Variants in DAPP1 observed in about 807,000 individuals in gnomAD.
The protein encoded by DAPP1 is dual adapter for phosphotyrosine and 3-phosphotyrosine and 3-phosphoinositide.
DAPP1 carries 20 observed loss-of-function variants against 41.5 expected under a neutral mutation model. That is an observed-to-expected ratio of 0.48 (90% CI 0.34 to 0.70). DAPP1 has a LOEUF of 0.70. DAPP1 is among the 30% of genes least tolerant of loss of function. The probability of loss-of-function intolerance (pLI) is 0.01; values close to 1 mark genes in which losing one functional copy is unlikely to be tolerated. For missense variants in DAPP1, 233 were observed against 333.4 expected, an observed-to-expected ratio of 0.70 and a Z score of 2.35; for synonymous variants, 113 against 116.2, an observed-to-expected ratio of 0.97 and a Z score of 0.18.
At chr4:99,833,049 G>A (rs1372759588) in intron 1 of DAPP1, among the ~76,000 whole-genome samples, 1 of 152,204 alleles carries the variant, frequency 6.6e-6, no homozygotes, top group Non-Finnish European at 1.5e-5. Flanking sequence ...GGCTCGAACT[G>A]AAACTTATGC....
At chr4:99,827,269 C>T (rs1438657132) in intron 1 of DAPP1, among the ~76,000 whole-genome samples, 22 of 151,980 alleles carry the variant, frequency 1.4e-4, no homozygotes, top group Admixed American at 1.4e-3. Context: ...CTTGGCTGGG[C>T]GCGGTCTGTA....
chr4:99,829,496 GT>G (rs1420873357), intron 1 of DAPP1, among the ~76,000 whole-genome samples: 2 of 151,780 alleles, frequency 1.3e-5, no homozygotes, highest in African/African-American at 2.4e-5. Flanking sequence ...AAAAAAGAAA[GT>G]TTTTTTCCTA....
intron 1 of DAPP1, among the ~76,000 whole-genome samples, chr4:99,818,112 CT>C (rs772232669): frequency 6.6e-6 from 1 of 152,116 alleles, no homozygotes; most frequent in Non-Finnish European, 1.5e-5. Flanking sequence ...TTAATAATTC[CT>C]GTCTTTAGAT....
rs1724550156 is a variant in DAPP1, at chr4:99,868,741, C to A, written c.*556C>A. ...ATTTCCAAAACTAAAATAGAAAATG[C>A]TTGTGGCATTTATTTTCTCTTTTTA... is the stretch of plus-strand genomic sequence containing the variant. On this transcript the variant is annotated 3_prime_UTR_variant, in exon 9 of 9. Coordinates refer to ENST00000512369, the MANE Select transcript of DAPP1 (RefSeq NM_014395.3). The A allele has an allele frequency of 6.7e-6, 1 of 150,252 alleles. No individual in the cohort carries two copies. Among genetic ancestry groups the A allele is most frequent in the Non-Finnish European group, 1.5e-5 (1 of 67,768 alleles). The allele number at this position is 150,252 out of a possible 1,614,324, so 9.3% of individuals were successfully genotyped here.
intron 3 of DAPP1, among the ~76,000 whole-genome samples, chr4:99,845,391 T>C (rs1334899689): frequency 3.9e-5 from 6 of 152,232 alleles, no homozygotes; most frequent in Non-Finnish European, 8.8e-5. Context: ...TGGGCTAACC[T>C]GGTCCTGAAG....
chr4:99,838,240 AAATAAAG>A (rs1456231746), intron 2 of DAPP1, among the ~76,000 whole-genome samples: 21 of 152,184 alleles, frequency 1.4e-4, no homozygotes, highest in Non-Finnish European at 7.3e-5. Flanking sequence ...TATACATAAA[AAATAAAG>A]AATAAATTAT....
intron 2 of DAPP1, among the ~76,000 whole-genome samples, chr4:99,838,910 G>C (rs1723393357): frequency 1.3e-5 from 2 of 152,220 alleles, no homozygotes; most frequent in African/African-American, 4.8e-5. Context: ...GTTAACTTAA[G>C]CTGGAATTAT....
intron 3 of DAPP1, among the ~76,000 whole-genome samples, chr4:99,850,957 G>T (rs570240584): frequency 6.6e-6 from 1 of 152,340 alleles, no homozygotes; most frequent in East Asian, 1.9e-4. Flanking sequence ...GATAAGTACT[G>T]AATGGCGGTA....
At chr4:99,834,391 A>T (rs901587788) in intron 1 of DAPP1, among the ~76,000 whole-genome samples, 3 of 146,628 alleles carry the variant, frequency 2.0e-5, no homozygotes, top group Non-Finnish European at 1.5e-5. Context: ...GACAATTTGA[A>T]TTTTTTTTTT....
chr4:99,836,652 T>C (rs1723309220), intron 2 of DAPP1, among the ~76,000 whole-genome samples: 1 of 152,190 alleles, frequency 6.6e-6, no homozygotes, highest in Admixed American at 6.5e-5. Flanking sequence ...CTCTCACTTC[T>C]TTCCCAGTCT....
In DAPP1 at chr4:99,862,998, TG is replaced by T; in HGVS notation, c.538-11del. On this transcript the variant is annotated splice_polypyrimidine_tract_variant and intron_variant, in intron 5 of 8. Transcript: ENST00000512369. ...GTGTCTGTGTGTTTGTGTGTGTGTG[TG>T]TTTTTCTCAGACCTGGAAAACAAGA... is the stretch of plus-strand genomic sequence containing the variant. 6.3e-7 allele frequency: 1 copy of T among 1,583,712 alleles called. No individual in the cohort carries two copies. Among genetic ancestry groups the T allele is most frequent in the Middle Eastern group, 1.7e-4 (1 of 6,002 alleles).
At chr4:99,836,480 T>A (rs1014695312) in intron 2 of DAPP1, among the ~76,000 whole-genome samples, 2 of 152,116 alleles carry the variant, frequency 1.3e-5, no homozygotes, top group African/African-American at 4.8e-5. Context: ...TCTCCATGGA[T>A]TAGGCAGGGG....
At position 99,840,416 on chromosome 4, in the gene DAPP1, G is replaced by A; in HGVS notation, c.352G>A (p.Glu118Lys). The stretch of plus-strand genomic sequence containing the variant: ...TGCAAATCAGCCTTTGATTGGAAGC[G>A]AGACAGGTAAGCTATGAGCAGACAC... ...HFANQPLIGS[E>K]TGTLMVLKHP... is the part of the protein sequence containing the mutation. Residue 118 changes from glutamate to lysine, a missense_variant, in exon 3 of 9, where the codon GAG becomes AAG. By Grantham distance (56) the Glu-to-Lys change is moderately conservative. Coordinates refer to ENST00000512369, the MANE Select transcript of DAPP1 (RefSeq NM_014395.3). 5 of 1,611,394 alleles carry A rather than the reference G, an allele frequency of 3.1e-6. No individual in the cohort carries two copies. Among genetic ancestry groups the A allele is most frequent in the Non-Finnish European group, 4.2e-6 (5 of 1,179,190 alleles).
At chr4:99,844,270 C>T (rs1723591858) in intron 3 of DAPP1, 2 of 152,204 alleles carry the variant, frequency 1.3e-5, no homozygotes, top group African/African-American at 4.8e-5. Context: ...CTCCTCCCCA[C>T]TGCAAAGGAC....
intron 6 of DAPP1, 51 bp from the exon 7 acceptor site, chr4:99,863,719 T>TTG: frequency 8.6e-6 from 2 of 233,754 alleles, no homozygotes; most frequent in East Asian, 2.5e-4. Context: ...GATTTGTCTG[T>TTG]TTTTTTTTTT....
At chr4:99,847,145 A>G (rs926571512) in intron 3 of DAPP1, among the ~76,000 whole-genome samples, 2 of 152,222 alleles carry the variant, frequency 1.3e-5, no homozygotes, top group Admixed American at 6.5e-5. Context: ...TAAATCAGAT[A>G]TTATTCTTGC....
Position 99,854,248 on chromosome 4 carries a change from C to G in DAPP1, c.489+900C>G, listed in dbSNP as rs992183272. On this transcript the variant is annotated intron_variant, in intron 4 of 8. Coordinates refer to ENST00000512369, the MANE Select transcript of DAPP1 (RefSeq NM_014395.3). Reference sequence around the variant, plus strand: ...CTCTGCAGAGGTTCCTCTCCAACACCCTTTTCCCTTCATTATTCTGAAGGC... The same window carrying G: ...CTCTGCAGAGGTTCCTCTCCAACACGCTTTTCCCTTCATTATTCTGAAGGC... Among the ~76,000 whole-genome samples the G allele has an allele frequency of 7.2e-5, 11 of 152,220 alleles. No individual in the cohort carries two copies. The South Asian group carries it at 2.3e-3, about 32-fold the overall frequency.
intron 1 of DAPP1, among the ~76,000 whole-genome samples, chr4:99,817,396 A>G (rs1029807843): frequency 2.6e-5 from 4 of 152,244 alleles, no homozygotes; most frequent in Non-Finnish European, 5.9e-5. Context: ...ACCCAGGGAC[A>G]GTAAAAGGAC....
intron 1 of DAPP1, among the ~76,000 whole-genome samples, chr4:99,824,491 T>A (rs941300901): frequency 6.6e-6 from 1 of 152,204 alleles, no homozygotes; most frequent in African/African-American, 2.4e-5. Flanking sequence ...AACCATGGAA[T>A]AGAGAAGAGA....
Sources: allele counts gnomAD v4.1 joint callset (sites outside exome capture counted in the v4.1 genomes callset), GRCh38; gene constraint gnomAD v4.1.1; transcripts MANE v1.5; gene names NCBI Gene and HGNC (gene_info 2026-07-23, HGNC 2026-07-21).